NFIA: variants seen among roughly 807,000 people sequenced by gnomAD.
NFIA encodes nuclear factor I A.
Under a neutral mutation model 62.8 loss-of-function variants are expected in NFIA, and 8 were observed. The ratio of observed to expected loss-of-function variants is 0.13; its 90% confidence interval spans 0.07 to 0.23. The LOEUF is 0.23. Among genes scored for constraint, NFIA ranks in the 10% least tolerant of loss-of-function variants. NFIA has a pLI of 1.00. For synonymous variants in NFIA, 235 were observed against 238.1 expected, an observed-to-expected ratio of 0.99 and a Z score of 0.12; for missense variants, 410 against 642.1, an observed-to-expected ratio of 0.64 and a Z score of 3.91.
In NFIA at chr1:61,088,304, A is replaced by G. The variant is rs759208865; in HGVS notation, c.183A>G (p.Leu61=). 3.1e-6 allele frequency: 5 copies of G among 1,613,374 alleles called. No homozygotes were observed. The African/African-American group carries it at 4.0e-5, about 13-fold the overall frequency. The change falls in exon 2 of 11, where the codon CTA becomes CTG. Residue 61 remains leucine (L), a synonymous_variant. Coordinates refer to ENST00000403491, the MANE Select transcript of NFIA (RefSeq NM_001134673.4). This position sits in a 1 kb window ranked among gnomAD's most constrained non-coding sequence, Gnocchi z 4.5. The part of the protein sequence containing the change: ...EEERAVKDEL[L]SEKPEVKQKW... Reference sequence around the variant, plus strand: ...AGAGAGCCGTGAAGGATGAATTGCTAAGTGAAAAACCAGAGGTCAAGCAGA... The same window carrying G: ...AGAGAGCCGTGAAGGATGAATTGCTGAGTGAAAAACCAGAGGTCAAGCAGA...
chr1:61,361,172 G>T (rs770909407), intron 6 of NFIA, among the ~76,000 whole-genome samples: 1 of 152,130 alleles, frequency 6.6e-6, no homozygotes, highest in Non-Finnish European at 1.5e-5. Context: ...AAGGTGTGGT[G>T]GTTCTTCTAT....
intron 6 of NFIA, among the ~76,000 whole-genome samples, chr1:61,369,118 C>T (rs531808076): frequency 1.3e-5 from 2 of 152,256 alleles, no homozygotes; most frequent in East Asian, 1.9e-4. Context: ...AATACTGGCC[C>T]GTTTCCTTCG....
chr1:61,308,148 A>G lies in NFIA; in HGVS notation c.626-24364A>G, dbSNP rs146995565. Reference sequence around the variant, plus strand: ...TGGATTTATTGGCTTTAAATTTTTAAGCTGGAAAAATGCAGTAGCAGCCAG... The same window carrying G: ...TGGATTTATTGGCTTTAAATTTTTAGGCTGGAAAAATGCAGTAGCAGCCAG... On this transcript the variant is annotated intron_variant, in intron 3 of 10. Transcript: ENST00000403491. Among the ~76,000 whole-genome samples the G allele has an allele frequency of 3.9e-4, 59 of 152,366 alleles. No homozygotes were observed. The East Asian group carries it at 6.4e-3, about 16-fold the overall frequency.
intron 2 of NFIA, among the ~76,000 whole-genome samples, chr1:61,129,689 A>T (rs1006379217): frequency 6.6e-6 from 1 of 151,824 alleles, no homozygotes; most frequent in Non-Finnish European, 1.5e-5. Flanking sequence ...ACCTCAAGTG[A>T]TCCGCCCACC....
At chr1:61,145,880 G>A (rs1231543679) in intron 2 of NFIA, among the ~76,000 whole-genome samples, 4 of 152,132 alleles carry the variant, frequency 2.6e-5, no homozygotes, top group African/African-American at 4.8e-5. Flanking sequence ...AGTCACTGCC[G>A]ATTTAATTCA....
chr1:61,299,906 AT>A (rs879566188), intron 3 of NFIA, among the ~76,000 whole-genome samples: 2 of 152,276 alleles, frequency 1.3e-5, no homozygotes, highest in African/African-American at 2.4e-5. Flanking sequence ...TCTGTTTGTT[AT>A]GCAGAATATT....
chr1:61,411,670 T>A (rs1666108534), intron 9 of NFIA, among the ~76,000 whole-genome samples: 1 of 151,684 alleles, frequency 6.6e-6, no homozygotes, highest in Admixed American at 6.6e-5. Context: ...GTACGAAAGG[T>A]ACGTAGGATA....
intron 9 of NFIA, among the ~76,000 whole-genome samples, chr1:61,418,495 T>G (rs1036090758): frequency 1.3e-5 from 2 of 152,060 alleles, no homozygotes; most frequent in African/African-American, 2.4e-5. Flanking sequence ...ATCCCAGTCT[T>G]CAAAGACAAT....
chr1:61,212,119 G>A lies in NFIA; in HGVS notation c.560-65401G>A, dbSNP rs61177704. 8.1e-3 allele frequency among the ~76,000 whole-genome samples: 1,232 copies of A among 152,230 alleles called. 14 individuals carry two copies. Among genetic ancestry groups the A allele is most frequent in the African/African-American group, 0.028 (1,144 of 41,528 alleles). Reference sequence around the variant, plus strand: ...GGGTTGTTTGTGGATTTTTAAGTAGGGGTGATAGCATAGGGGCCTGCTTTT... The same window carrying A: ...GGGTTGTTTGTGGATTTTTAAGTAGAGGTGATAGCATAGGGGCCTGCTTTT... On this transcript the variant is annotated intron_variant, in intron 2 of 10. Transcript: ENST00000403491.
intron 2 of NFIA, among the ~76,000 whole-genome samples, chr1:61,225,707 AAT>A: frequency 6.6e-6 from 1 of 152,090 alleles, no homozygotes; most frequent in East Asian, 1.9e-4. Context: ...TTTCTATCGC[AAT>A]ATATATGTTT....
chr1:61,098,648 G>C (rs1377235256), intron 2 of NFIA, among the ~76,000 whole-genome samples: 3 of 152,060 alleles, frequency 2.0e-5, no homozygotes, highest in Admixed American at 2.0e-4. Context: ...TATGTGACAA[G>C]GACTTTTATT....
intron 6 of NFIA, among the ~76,000 whole-genome samples, chr1:61,375,140 G>T (rs184338425): frequency 6.0e-4 from 91 of 152,290 alleles, no homozygotes; most frequent in African/African-American, 1.9e-3. Context: ...ACTTTAAATG[G>T]TTCTAGAAAG....
chr1:61,171,443 G>A (rs1222068371), intron 2 of NFIA, among the ~76,000 whole-genome samples: 2 of 152,180 alleles, frequency 1.3e-5, no homozygotes, highest in Admixed American at 6.5e-5. Flanking sequence ...TCAAGTAAAT[G>A]TGGTGACATT....
intron 3 of NFIA, among the ~76,000 whole-genome samples, chr1:61,320,107 CTTCT>C (rs1341364097): frequency 1.3e-5 from 2 of 150,826 alleles, no homozygotes; most frequent in African/African-American, 4.9e-5. Context: ...TCCCATTCTA[CTTCT>C]TTTTTTTTTT....
Position 61,457,774 on chromosome 1 carries a change from T to G in NFIA, c.*2454T>G, listed in dbSNP as rs1406898052. 6.6e-6 allele frequency: 1 copy of G among 152,002 alleles called. No homozygotes were observed. Among genetic ancestry groups the G allele is most frequent in the Non-Finnish European group, 1.5e-5 (1 of 68,008 alleles). 9.4% of individuals were successfully genotyped at this position (152,002 alleles called of 1,614,324 possible). ...GAGAAGCAGTCAAACTGTGAAGCACTAAGCTGACCCTGCTTCAAGCAATTT... is the reference window on the plus strand; with the variant it reads ...GAGAAGCAGTCAAACTGTGAAGCACGAAGCTGACCCTGCTTCAAGCAATTT... On this transcript the variant is annotated 3_prime_UTR_variant, in exon 11 of 11. Transcript: ENST00000403491. This position sits in a 1 kb window ranked among gnomAD's most constrained non-coding sequence, Gnocchi z 4.2.
intron 9 of NFIA, among the ~76,000 whole-genome samples, chr1:61,425,555 A>G (rs758145583): frequency 6.6e-6 from 1 of 152,220 alleles, no homozygotes; most frequent in Non-Finnish European, 1.5e-5. Context: ...TCTAGTACAG[A>G]GGAAGAATGT....
chr1:61,409,581 TA>T (rs938994094), intron 9 of NFIA, among the ~76,000 whole-genome samples: 4 of 152,200 alleles, frequency 2.6e-5, no homozygotes, highest in African/African-American at 9.6e-5. Context: ...AATATTTTTT[TA>T]AATCAGAAGA....
At chr1:61,259,320 G>T (rs1319769172) in intron 2 of NFIA, among the ~76,000 whole-genome samples, 2 of 152,204 alleles carry the variant, frequency 1.3e-5, no homozygotes, top group Non-Finnish European at 2.9e-5. Context: ...CTCTGAGATA[G>T]ATTTCTACTC....
chr1:61,181,868 G>A (rs1650784881), intron 2 of NFIA, among the ~76,000 whole-genome samples: 1 of 152,152 alleles, frequency 6.6e-6, no homozygotes, highest in Non-Finnish European at 1.5e-5. Context: ...TGCCTCTTGT[G>A]CTTTAATTCC....
Sources: gnomAD v4.1 joint callset for allele counts (sites outside exome capture counted in the v4.1 genomes callset) on GRCh38, gnomAD v4.1.1 for gene constraint, Gnocchi (gnomAD v3.1) non-coding constraint, MANE v1.5 for transcripts, NCBI Gene and HGNC (gene_info 2026-07-23, HGNC 2026-07-21) for gene names.